CCAR1: variants seen among roughly 807,000 people sequenced by gnomAD.
CCAR1 encodes cell division cycle and apoptosis regulator 1.
A neutral mutation model predicts 163.8 loss-of-function variants in CCAR1; 78 were observed. That is an observed-to-expected ratio of 0.48 (90% CI 0.40 to 0.57). The LOEUF (loss-of-function observed/expected upper bound fraction) is 0.57. Ranked by LOEUF, CCAR1 falls within the 20% of genes least tolerant of loss-of-function variation. The pLI, the probability that CCAR1 is intolerant of heterozygous loss-of-function variation, is 0.00. For synonymous variants in CCAR1, 443 were observed against 460.7 expected (o/e 0.96, Z 0.49); for missense variants, 1,019 against 1,365.2 (o/e 0.75, Z 4.00).
intron 19 of CCAR1, among the ~76,000 whole-genome samples, chr10:68,776,019 T>TG (rs1460381411): frequency 6.6e-6 from 1 of 151,198 alleles, no homozygotes; most frequent in Non-Finnish European, 1.5e-5. Flanking sequence ...TTAGTAGAGA[T>TG]GGGGTTTCAC....
intron 2 of CCAR1, among the ~76,000 whole-genome samples, chr10:68,723,110 T>A (rs1350449364): frequency 2.6e-5 from 4 of 151,332 alleles, no homozygotes; most frequent in African/African-American, 9.7e-5. Flanking sequence ...ACATTTATTT[T>A]TTTATTTATT....
chr10:68,757,408 T>G, intron 15 of CCAR1, 31 bp downstream of exon 15: 1 of 1,248,180 alleles, frequency 8.0e-7, no homozygotes, highest in Non-Finnish European at 1.2e-6. Context: ...TTTTATTTAT[T>G]TTTTTCAATT....
chr10:68,755,613 C>A, intron 13 of CCAR1, 77 bp downstream of exon 13: 2 of 1,271,456 alleles, frequency 1.6e-6, no homozygotes, highest in East Asian at 2.4e-5. Flanking sequence ...TCAGCCTTTT[C>A]CCCCCGGCTT....
intron 5 of CCAR1, 86 bp from the exon 6 acceptor site, chr10:68,742,290 A>T (rs1057408829): frequency 2.0e-6 from 2 of 987,184 alleles, no homozygotes; most frequent in Non-Finnish European, 3.0e-6. Context: ...AATTTTTAAC[A>T]TTCTGGGTTA....
chr10:68,789,434 C>A (rs974794709), intron 23 of CCAR1, among the ~76,000 whole-genome samples: 1 of 151,674 alleles, frequency 6.6e-6, no homozygotes, highest in Non-Finnish European at 1.5e-5. Flanking sequence ...TCTAAAAATA[C>A]AAAAATTAGC....
At chr10:68,780,098 G>T (rs1564551437) in intron 19 of CCAR1, among the ~76,000 whole-genome samples, 1 of 152,194 alleles carries the variant, frequency 6.6e-6, no homozygotes, top group Non-Finnish European at 1.5e-5. Flanking sequence ...AGTTTTGAAA[G>T]TGACACCTCT....
chr10:68,770,551 T>G (rs1055856213), intron 17 of CCAR1, among the ~76,000 whole-genome samples: 2 of 152,108 alleles, frequency 1.3e-5, no homozygotes, highest in African/African-American at 4.8e-5. Flanking sequence ...AAGACCAGCC[T>G]GGCCAACATG....
Position 68,782,777 on chromosome 10 carries a change from AT to A in CCAR1, c.2651-3350del, listed in dbSNP as rs1208376775. On this transcript the variant is annotated intron_variant, in intron 19 of 24. Coordinates refer to ENST00000265872, the MANE Select transcript of CCAR1 (RefSeq NM_018237.4). ...ATTGTTTACAGCAATGCTTTACTGA[AT>A]TTTTTTTTACTCCTTTATCATGTAA... 3.3e-5 allele frequency among the ~76,000 whole-genome samples: 5 copies of A among 151,686 alleles called. 1 individual carries two copies. Among genetic ancestry groups the A allele is most frequent in the African/African-American group, 9.7e-5 (4 of 41,378 alleles).
intron 16 of CCAR1, among the ~76,000 whole-genome samples, chr10:68,762,568 T>C (rs1348312742): frequency 1.3e-5 from 2 of 152,164 alleles, no homozygotes; most frequent in African/African-American, 2.4e-5. Context: ...ATTTGAAATA[T>C]AGGGATATCA....
chr10:68,721,421 G>T (rs1437642747), intron 1 of CCAR1, 139 bp downstream of exon 1: 1 of 296,092 alleles, frequency 3.4e-6, no homozygotes, highest in Non-Finnish European at 6.6e-6. Context: ...GGCTCTTGTG[G>T]GACTGGGACG....
chr10:68,723,843 A>T (rs1164368212), intron 2 of CCAR1, among the ~76,000 whole-genome samples: 1 of 105,056 alleles, frequency 9.5e-6, no homozygotes, highest in Non-Finnish European at 1.9e-5. Flanking sequence ...GCAGGACTCC[A>T]TCTCAAAAAG....
chr10:68,751,910 TTTTG>T (rs2056336438), intron 10 of CCAR1, among the ~76,000 whole-genome samples: 2 of 140,742 alleles, frequency 1.4e-5, no homozygotes, highest in Admixed American at 1.4e-4. Flanking sequence ...CAGTTTAGTT[TTTTG>T]TTTTTGTTTT....
chr10:68,729,177 A>G (rs2055995859), intron 2 of CCAR1, among the ~76,000 whole-genome samples: 1 of 152,142 alleles, frequency 6.6e-6, no homozygotes, highest in Non-Finnish European at 1.5e-5. Flanking sequence ...CAATACAGTT[A>G]TATAAGATCA....
At position 68,761,111 on chromosome 10, in the gene CCAR1, A is replaced by G; in HGVS notation, c.2025A>G (p.Gln675=). Residue 675 remains glutamine, a synonymous_variant, in exon 16 of 25, where the codon CAA becomes CAG. Transcript: ENST00000265872. ...CAAAACAGCTTAAAGTAGAGGAACA[A>G]AAAGAAGAACAGAAGGAGTTAGAGA... The part of the protein sequence containing the change: ...RLTKQLKVEE[Q]KEEQKELEKS... 6.2e-7 allele frequency: 1 copy of G among 1,612,464 alleles called. No homozygotes were observed. The highest frequency in any genetic ancestry group is 8.5e-7 in the Non-Finnish European group (1 of 1,179,148).
intron 10 of CCAR1, among the ~76,000 whole-genome samples, chr10:68,751,892 C>G (rs10998412): frequency 0.88 from 131,187 of 148,842 alleles, 57,910 homozygotes; most frequent in African/African-American, 0.92. Context: ...TAATAAATTA[C>G]ACCTTCACAG....
In CCAR1 at chr10:68,756,330, A is replaced by G; in HGVS notation, c.1683A>G (p.Thr561=). ...CTGAGGAGACCCACAAGGGGCGTAC[A>G]GTTCCAGCTCATGTGGAGACAGTGG... ...HRPEETHKGR[T]VPAHVETVVL... Residue 561 remains threonine (T), a synonymous_variant, in exon 14 of 25, where the codon ACA becomes ACG. Transcript: ENST00000265872. This position sits in a 1 kb window ranked among gnomAD's most constrained non-coding sequence, Gnocchi z 5.1. 2 of 1,614,134 alleles carry G rather than the reference A, an allele frequency of 1.2e-6. No individual in the cohort carries two copies.
At chr10:68,777,683 CAAA>C (rs34289016) in intron 19 of CCAR1, among the ~76,000 whole-genome samples, 1 of 115,486 alleles carries the variant, frequency 8.7e-6, no homozygotes. Context: ...GACTCCGTCT[CAAA>C]AAAAAAAAAA....
rs762110440 is a variant in CCAR1 at position 68,765,915 on chromosome 10, A to G, written c.2134A>G (p.Ile712Val). ...AGAAGAAAGGAAACGTCAAGAGGAA[A>G]TAGAACGCCAGCGTCGAGAAAGAAG... ...EEEERKRQEE[I>V]ERQRRERRYI... Residue 712 changes from isoleucine (I) to valine (V), a missense_variant, in exon 17 of 25, where the codon ATA becomes GTA. By Grantham distance (29) the Ile-to-Val change is conservative. This residue lies in a region of CCAR1 where 644 missense variants were observed against 904.4 expected (regional missense o/e 0.71). Coordinates refer to ENST00000265872, the MANE Select transcript of CCAR1 (RefSeq NM_018237.4). 8 of 1,613,078 alleles carry G rather than the reference A, an allele frequency of 5.0e-6. No individual in the cohort carries two copies. The highest frequency in any genetic ancestry group is 2.7e-5 in the African/African-American group (2 of 74,930).
intron 19 of CCAR1, among the ~76,000 whole-genome samples, chr10:68,785,197 G>A (rs1472174829): frequency 2.0e-5 from 3 of 150,078 alleles, no homozygotes; most frequent in Non-Finnish European, 4.4e-5. Flanking sequence ...GATTACAGGC[G>A]TGAGGCACCG....
Sources: gnomAD v4.1 joint callset for allele counts (sites outside exome capture counted in the v4.1 genomes callset) on GRCh38, gnomAD v4.1.1 for gene constraint, gnomAD v4.1.1 regional missense constraint, Gnocchi (gnomAD v3.1) non-coding constraint, MANE v1.5 for transcripts, NCBI Gene and HGNC (gene_info 2026-07-23, HGNC 2026-07-21) for gene names.